Variants in TSHZ2 observed in about 807,000 individuals in gnomAD.
TSHZ2 encodes teashirt homolog 2.
A neutral mutation model predicts 74.4 loss-of-function variants in TSHZ2; 21 were observed. The ratio of observed to expected loss-of-function variants is 0.28; its 90% CI spans 0.20 to 0.41. The LOEUF (loss-of-function observed/expected upper bound fraction) is 0.41. Ranked by LOEUF, TSHZ2 falls within the 10% of genes least tolerant of loss-of-function variation. The pLI, the probability that TSHZ2 is intolerant of heterozygous loss-of-function variation, is 1.00. For synonymous variants in TSHZ2, 540 were observed against 515.3 expected (o/e 1.05, Z -0.65); for missense variants, 1,244 against 1,293.5 (o/e 0.96, Z 0.59).
intron 2 of TSHZ2, among the ~76,000 whole-genome samples, chr20:53,327,954 G>C (rs1162285770): frequency 6.6e-6 from 1 of 152,218 alleles, no homozygotes; most frequent in East Asian, 1.9e-4. Flanking sequence ...GGAACAGAAA[G>C]GTTTCGTGAC....
chr20:53,123,081 C>T (rs1447827239), intron 1 of TSHZ2, among the ~76,000 whole-genome samples: 2 of 152,194 alleles, frequency 1.3e-5, no homozygotes, highest in African/African-American at 2.4e-5. Context: ...ACAGAAGTAT[C>T]TCCTCACTGT....
At chr20:53,088,443 C>A (rs1242331484) in intron 1 of TSHZ2, among the ~76,000 whole-genome samples, 2 of 152,152 alleles carry the variant, frequency 1.3e-5, no homozygotes, top group African/African-American at 4.8e-5. Context: ...GCACTAGCAA[C>A]AAATTGGCAT....
At chr20:53,019,534 G>A (rs74395637) in intron 1 of TSHZ2, among the ~76,000 whole-genome samples, 6 of 152,274 alleles carry the variant, frequency 3.9e-5, no homozygotes, top group East Asian at 1.9e-4. Flanking sequence ...GACCCCTGTT[G>A]TTGAATGTCC....
intron 2 of TSHZ2, among the ~76,000 whole-genome samples, chr20:53,454,181 C>A (rs1201981932): frequency 6.6e-6 from 1 of 152,148 alleles, no homozygotes; most frequent in African/African-American, 2.4e-5. Context: ...ACTTAGAGGA[C>A]CCTTGGTTTC....
intron 2 of TSHZ2, among the ~76,000 whole-genome samples, chr20:53,394,773 A>C (rs1982383198): frequency 6.6e-6 from 1 of 150,442 alleles, no homozygotes; most frequent in South Asian, 2.1e-4. Context: ...AAAAAAAAAA[A>C]AAAAAAACTG....
chr20:53,123,431 C>T (rs899605715), intron 1 of TSHZ2, among the ~76,000 whole-genome samples: 1 of 152,156 alleles, frequency 6.6e-6, no homozygotes, highest in Non-Finnish European at 1.5e-5. Flanking sequence ...AGGGGATTGA[C>T]TATCGGTTGG....
intron 2 of TSHZ2, among the ~76,000 whole-genome samples, chr20:53,305,290 G>GC (rs978203063): frequency 6.6e-6 from 1 of 152,050 alleles, no homozygotes; most frequent in Non-Finnish European, 1.5e-5. Context: ...ATTCTTTTCT[G>GC]CCCCCATCCA....
At chr20:53,268,134 TA>T (rs904970979) in intron 2 of TSHZ2, among the ~76,000 whole-genome samples, 2 of 152,060 alleles carry the variant, frequency 1.3e-5, no homozygotes, top group African/African-American at 4.8e-5. Context: ...AAGAATTGCA[TA>T]AAAAAGGCAG....
At chr20:52,979,317 A>G (rs1288308851) in intron 1 of TSHZ2, among the ~76,000 whole-genome samples, 4 of 152,176 alleles carry the variant, frequency 2.6e-5, no homozygotes, top group Admixed American at 2.0e-4. Flanking sequence ...AAAATTAGAG[A>G]CTTCAGAGCC....
chr20:53,003,896 C>CT (rs1229314009), intron 1 of TSHZ2, among the ~76,000 whole-genome samples: 200 of 145,300 alleles, frequency 1.4e-3, no homozygotes, highest in East Asian at 3.4e-3. Context: ...TTTTCTTTTT[C>CT]TTTTTTTTTT....
intron 1 of TSHZ2, among the ~76,000 whole-genome samples, chr20:52,979,258 G>A (rs769091986): frequency 6.6e-6 from 1 of 151,906 alleles, no homozygotes; most frequent in African/African-American, 2.4e-5. Flanking sequence ...TTTAGAGATA[G>A]CATTTAAAGT....
rs1035595050 is a variant in TSHZ2 at position 53,074,316 on chromosome 20, G to GT, written c.40+100984dup. Among the ~76,000 whole-genome samples, 1 of 152,194 alleles carries GT rather than the reference G, an allele frequency of 6.6e-6. No individual in the cohort carries two copies. Among genetic ancestry groups the GT allele is most frequent in the Non-Finnish European group, 1.5e-5 (1 of 68,046 alleles). On this transcript the variant is annotated intron_variant, in intron 1 of 2. Transcript: ENST00000371497. This position sits in a 1 kb window ranked among gnomAD's most constrained non-coding sequence, Gnocchi z 5.9. ...CCACATTGCTGAAATTATGTCCTAAGTATCAGTCCTTTCTACTGGATTTTG... is the reference window on the plus strand; with the variant it reads ...CCACATTGCTGAAATTATGTCCTAAGTTATCAGTCCTTTCTACTGGATTTTG...
At chr20:53,222,614 G>C (rs936738548) in intron 1 of TSHZ2, among the ~76,000 whole-genome samples, 3 of 152,178 alleles carry the variant, frequency 2.0e-5, no homozygotes, top group Admixed American at 6.5e-5. Flanking sequence ...CCTGTGTTCT[G>C]AGGGACACGG....
chr20:53,233,915 T>C (rs1163702376), intron 1 of TSHZ2, among the ~76,000 whole-genome samples: 3 of 152,152 alleles, frequency 2.0e-5, no homozygotes, highest in Non-Finnish European at 4.4e-5. Flanking sequence ...TTCCAAGCAA[T>C]TAAAAACTTT....
chr20:53,455,575 T>C (rs1985030332), intron 2 of TSHZ2: 1 of 152,132 alleles, frequency 6.6e-6, no homozygotes, highest in South Asian at 2.1e-4. Context: ...TTTTTATTAT[T>C]ATTATACTTT....
intron 2 of TSHZ2, among the ~76,000 whole-genome samples, chr20:53,431,408 A>G (rs571825622): frequency 1.3e-5 from 2 of 151,776 alleles, no homozygotes; most frequent in South Asian, 2.1e-4. Context: ...GTGAGCTGAG[A>G]TCACGCCAGT....
intron 2 of TSHZ2, among the ~76,000 whole-genome samples, chr20:53,332,104 C>T (rs995476101): frequency 1.3e-5 from 2 of 152,104 alleles, no homozygotes; most frequent in Non-Finnish European, 1.5e-5. Context: ...TGAACTGGAG[C>T]GCACCCCACT....
intron 2 of TSHZ2, among the ~76,000 whole-genome samples, chr20:53,291,977 TAGTC>T (rs10550114): frequency 0.015 from 2,149 of 146,220 alleles, 51 homozygotes; most frequent in African/African-American, 0.052. Flanking sequence ...CACAGAAAGA[TAGTC>T]AGGATAGCAT....
At chr20:53,204,384 T>G (rs1407424921) in intron 1 of TSHZ2, among the ~76,000 whole-genome samples, 1 of 144,440 alleles carries the variant, frequency 6.9e-6, no homozygotes, top group African/African-American at 2.7e-5. Flanking sequence ...AACATGATGA[T>G]ATGATACTAT....
Sources: allele counts gnomAD v4.1 joint callset (sites outside exome capture counted in the v4.1 genomes callset), GRCh38; gene constraint gnomAD v4.1.1; non-coding constraint Gnocchi (gnomAD v3.1); transcripts MANE v1.5; gene names NCBI Gene and HGNC (gene_info 2026-07-23, HGNC 2026-07-21).